The following RARA variants were observed in gnomAD, a reference collection of about 807,000 sequenced individuals.
The protein encoded by RARA is retinoic acid receptor alpha.
In RARA, 5 loss-of-function variants were observed where a neutral mutation model predicts 42.8. That is an observed-to-expected ratio of 0.12 (90% CI 0.06 to 0.25). RARA has a LOEUF of 0.25. RARA is among the 10% of genes least tolerant of loss of function. RARA has a pLI of 1.00. For missense variants in RARA, 402 were observed against 628.7 expected (o/e 0.64, Z 3.86); for synonymous variants, 256 against 259.5 (o/e 0.99, Z 0.13).
At chr17:40,315,167 T>TACAC (rs1299638664) in intron 1 of RARA, among the ~76,000 whole-genome samples, 5 of 116,032 alleles carry the variant, frequency 4.3e-5, no homozygotes, top group East Asian at 2.3e-4. Flanking sequence ...TATATATATA[T>TACAC]ATATACACAC....
At chr17:40,313,161 G>C (rs1423542581) in intron 1 of RARA, among the ~76,000 whole-genome samples, 1 of 152,158 alleles carries the variant, frequency 6.6e-6, no homozygotes. Flanking sequence ...CTGGTGAGCT[G>C]TGGGGCTAGG....
rs1488026515 is a variant in RARA, at chr17:40,330,992, G to A, written c.-227G>A. On this transcript the variant is annotated 5_prime_UTR_variant, in exon 2 of 9. Coordinates refer to ENST00000254066, the MANE Select transcript of RARA (RefSeq NM_000964.4). Reference sequence around the variant, plus strand: ...CACAGAACTGCTTGACCAAAGGACCGGCTCTTGAGACATCCCCCAACCCAC... The same window carrying A: ...CACAGAACTGCTTGACCAAAGGACCAGCTCTTGAGACATCCCCCAACCCAC... The A allele has an allele frequency of 2.6e-5, 13 of 494,610 alleles. No homozygotes were observed. The Admixed American group carries it at 2.8e-4, about 11-fold the overall frequency. The allele number at this position is 494,610 out of a possible 1,614,324, so 30.6% of individuals were successfully genotyped here. A position where few individuals can be genotyped will look rare whatever the true frequency, so the allele number is the denominator to read the frequency against.
chr17:40,311,654 T>A (rs1488517443), intron 1 of RARA, among the ~76,000 whole-genome samples: 1 of 152,214 alleles, frequency 6.6e-6, no homozygotes, highest in African/African-American at 2.4e-5. Flanking sequence ...CTCCAAGATA[T>A]TTCACTGTCT....
intron 1 of RARA, among the ~76,000 whole-genome samples, chr17:40,317,918 T>A (rs1351024705): frequency 6.6e-6 from 1 of 152,006 alleles, no homozygotes; most frequent in African/African-American, 2.4e-5. Flanking sequence ...TGTGTGTGGT[T>A]GGGGGGAAAG....
rs1482498874 is a variant in RARA, at chr17:40,356,951, G to A, written c.*725G>A. The A allele has an allele frequency of 2.3e-5, 9 of 387,038 alleles. No homozygotes were observed. The highest frequency in any genetic ancestry group is 1.9e-4 in the African/African-American group (9 of 47,532). The allele number at this position is 387,038 out of a possible 1,614,324, so 24.0% of individuals were successfully genotyped here. ...CTCCTCCTCAGCCTTTTCCTCCTCA[G>A]TTTTCTCTTTAAAACTGTGAAGTAC... is the stretch of plus-strand genomic sequence containing the variant. On this transcript the variant is annotated 3_prime_UTR_variant, in exon 9 of 9. Coordinates refer to ENST00000254066, the MANE Select transcript of RARA (RefSeq NM_000964.4).
chr17:40,331,211 C>T lies in RARA; in HGVS notation c.-8C>T, dbSNP rs575427178. The T allele has an allele frequency of 1.4e-5, 22 of 1,606,512 alleles. No homozygotes were observed. The highest frequency in any genetic ancestry group is 1.1e-4 in the South Asian group (10 of 90,460). ...TGTCTGCCTCCCTTCTGACTGTGGC[C>T]GCTTGGCATGGCCAGCAACAGCAGC... On this transcript the variant is annotated 5_prime_UTR_variant, in exon 2 of 9. Coordinates refer to ENST00000254066, the MANE Select transcript of RARA (RefSeq NM_000964.4).
rs1567767560 is a variant in RARA, at chr17:40,356,117, CG to C, written c.1286del (p.Gly429ValfsTer214). ...SEGLDTLSGQPGGGGRDGGGL... is the reference protein window; with the variant it reads ...SEGLDTLSGQXGGGGRDGGGL... ...GGCCTGGACACTCTGAGCGGACAGC[CG>C]GGGGGTGGGGGGCGGGACGGGGGTG... On this transcript the variant is annotated frameshift_variant, in exon 9 of 9. Transcript: ENST00000254066. LOFTEE classifies it high-confidence loss of function. 2.3e-6 allele frequency: 3 copies of C among 1,330,272 alleles called. No individual in the cohort carries two copies. The highest frequency in any genetic ancestry group is 2.5e-5 in the African/African-American group (1 of 40,154). The allele number at this position is 1,330,272 out of a possible 1,614,324, so 82.4% of individuals were successfully genotyped here.
intron 1 of RARA, among the ~76,000 whole-genome samples, chr17:40,325,142 T>C (rs1224311328): frequency 6.6e-6 from 1 of 151,706 alleles, no homozygotes; most frequent in Non-Finnish European, 1.5e-5. Flanking sequence ...CCCCAGCTAC[T>C]AGGGAGGATG....
chr17:40,341,411 C>T, intron 2 of RARA: 1 of 1,509,546 alleles, frequency 6.6e-7, no homozygotes, highest in Non-Finnish European at 8.8e-7. Flanking sequence ...GACAATGACA[C>T]AAGCCGGTGT....
At chr17:40,343,910 G>T (rs1045418417) in intron 2 of RARA, among the ~76,000 whole-genome samples, 5 of 152,172 alleles carry the variant, frequency 3.3e-5, no homozygotes, top group Non-Finnish European at 5.9e-5. Context: ...ATTTTCCTGC[G>T]CAGCTGTGAG....
chr17:40,329,111 T>G (rs2033622599), intron 1 of RARA, among the ~76,000 whole-genome samples: 1 of 151,620 alleles, frequency 6.6e-6, no homozygotes, highest in Non-Finnish European at 1.5e-5. Flanking sequence ...GCTAGCCTAG[T>G]GGGTATGAAG....
Position 40,355,390 on chromosome 17 carries a change from G to C in RARA, c.1140G>C (p.Lys380Asn). ...RPHMFPKMLM[K>N]ITDLRSISAK... ...ACATGTTCCCCAAGATGCTAATGAA[G>C]ATTACTGACCTGCGAAGCATCAGCG... Residue 380 changes from lysine (K) to asparagine (N), a missense_variant, in exon 8 of 9, where the codon AAG becomes AAC. Around this residue, in one of 5 missense-constraint regions of RARA, gnomAD observed 104 missense variants for 160.1 expected, o/e 0.65. Transcript: ENST00000254066. This position sits in a 1 kb window ranked among gnomAD's most constrained non-coding sequence, Gnocchi z 4.1. The C allele has an allele frequency of 1.2e-6, 2 of 1,614,030 alleles. No homozygotes were observed. The highest frequency in any genetic ancestry group is 1.7e-6 in the Non-Finnish European group (2 of 1,179,946).
intron 1 of RARA, among the ~76,000 whole-genome samples, chr17:40,314,180 A>G (rs373717398): frequency 0.074 from 342 of 4,636 alleles, no homozygotes; most frequent in Middle Eastern, 0.33. Flanking sequence ...TGGCGGGTGG[A>G]GGGGTGGGGT....
At chr17:40,346,801 G>A (rs940100986) in intron 2 of RARA, among the ~76,000 whole-genome samples, 1 of 152,208 alleles carries the variant, frequency 6.6e-6, no homozygotes, top group Non-Finnish European at 1.5e-5. Flanking sequence ...GGCTGGGGAT[G>A]GTGTGGGCAT....
chr17:40,319,826 G>T (rs372666827), intron 1 of RARA, among the ~76,000 whole-genome samples: 4 of 152,212 alleles, frequency 2.6e-5, no homozygotes, highest in South Asian at 2.1e-4. Flanking sequence ...AGGGGGCCGG[G>T]GGGGGCGGGT....
rs1017827048 is a variant in RARA, at chr17:40,326,083, C to T, written c.-362-4774C>T. ...ATATCCCTTTCCCCACATCCCTCTC[C>T]TCCATCCGAGGGAAGCAGACCCTGG... On this transcript the variant is annotated intron_variant, in intron 1 of 8. Coordinates refer to ENST00000254066, the MANE Select transcript of RARA (RefSeq NM_000964.4). The surrounding 1 kb of genome is among the most constrained non-coding windows in gnomAD (Gnocchi z 5.2). 1.8e-4 allele frequency among the ~76,000 whole-genome samples: 28 copies of T among 152,228 alleles called. No homozygotes were observed. The highest frequency in any genetic ancestry group is 6.8e-4 in the African/African-American group (28 of 41,448).
chr17:40,347,365 CT>C (rs2034301369), intron 2 of RARA, among the ~76,000 whole-genome samples: 1 of 152,168 alleles, frequency 6.6e-6, no homozygotes, highest in Non-Finnish European at 1.5e-5. Flanking sequence ...ACCCAACACC[CT>C]TAGCTGCCCA....
At chr17:40,336,765 G>A (rs1247732502) in intron 2 of RARA, among the ~76,000 whole-genome samples, 3 of 152,000 alleles carry the variant, frequency 2.0e-5, no homozygotes, top group East Asian at 1.9e-4. Flanking sequence ...GCTCGATCTC[G>A]GTTCACTGCA....
intron 2 of RARA, among the ~76,000 whole-genome samples, chr17:40,335,691 G>A (rs1293096273): frequency 2.1e-5 from 3 of 144,306 alleles, no homozygotes; most frequent in African/African-American, 5.1e-5. Flanking sequence ...CTCTGTCTCC[G>A]AAAAAAAAAG....
Sources: gnomAD v4.1 joint callset for allele counts (sites outside exome capture counted in the v4.1 genomes callset) on GRCh38, gnomAD v4.1.1 for gene constraint, gnomAD v4.1.1 regional missense constraint, Gnocchi (gnomAD v3.1) non-coding constraint, MANE v1.5 for transcripts, NCBI Gene and HGNC (gene_info 2026-07-23, HGNC 2026-07-21) for gene names.